The following SERPINC1 variants were observed in gnomAD, a reference collection of about 807,000 sequenced individuals.
The protein encoded by SERPINC1 is serpin family C member 1.
In SERPINC1, 12 loss-of-function variants were observed where a neutral mutation model predicts 43.4. The observed-to-expected ratio is 0.28, with a 90% CI of 0.18 to 0.45. The LOEUF (loss-of-function observed/expected upper bound fraction) is 0.45. Ranked by LOEUF, SERPINC1 falls within the 20% of genes least tolerant of loss-of-function variation. The probability of loss-of-function intolerance (pLI) is 1.00; values close to 1 mark genes in which losing one functional copy is unlikely to be tolerated. For synonymous variants in SERPINC1, 210 were observed against 218.9 expected, an observed-to-expected ratio of 0.96 and a Z score of 0.36; for missense variants, 423 against 578.8, an observed-to-expected ratio of 0.73 and a Z score of 2.76.
At chr1:173,910,636 T>A in intron 4 of SERPINC1, 118 bp downstream of exon 4, 1 of 847,902 alleles carries the variant, frequency 1.2e-6, no homozygotes, top group South Asian at 1.4e-5. Context: ...TGTACCTGTG[T>A]AGCTTTCGGC....
At chr1:173,911,665 G>A (rs1657773820) in intron 3 of SERPINC1, 134 bp downstream of exon 3, 4 of 745,504 alleles carry the variant, frequency 5.4e-6, no homozygotes, top group Non-Finnish European at 9.6e-6. Flanking sequence ...TATTGCAGGG[G>A]TTCTAACTTT....
At chr1:173,915,010 C>T in intron 1 of SERPINC1, 91 bp from the exon 2 acceptor site, 1 of 1,551,626 alleles carries the variant, frequency 6.4e-7, no homozygotes, top group Non-Finnish European at 8.7e-7. Context: ...CAGAGGATTC[C>T]AGCCCACCTG....
At chr1:173,910,611 C>T (rs1657728806) in intron 4 of SERPINC1, 143 bp downstream of exon 4, 1 of 690,486 alleles carries the variant, frequency 1.4e-6, no homozygotes, top group Non-Finnish European at 2.5e-6. Flanking sequence ...AATAGATTGA[C>T]CTGCCCTGCT....
Position 173,910,034 on chromosome 1 carries a change from T to C in SERPINC1, c.763-92A>G. 3.9e-6 allele frequency: 5 copies of C among 1,298,614 alleles called. No homozygotes were observed. In the South Asian group the frequency reaches 6.2e-5, roughly 16 times the overall value. The allele number at this position is 1,298,614 out of a possible 1,614,324, so 80.4% of individuals were successfully genotyped here. ...TCCATATTATAGTGTTACATTAATA[T>C]ATAATTATTCGGAAAAAAGACTGGC... is the stretch of plus-strand genomic sequence containing the variant. On this transcript the variant is annotated intron_variant, in intron 4 of 6. Coordinates refer to ENST00000367698, the MANE Select transcript of SERPINC1 (RefSeq NM_000488.4).
chr1:173,904,968 C>T (rs1399130667), intron 6 of SERPINC1, among the ~76,000 whole-genome samples: 2 of 152,132 alleles, frequency 1.3e-5, no homozygotes, highest in Non-Finnish European at 2.9e-5. Context: ...CCAAGGTTTT[C>T]AAAGAAAACG....
At position 173,914,915 on chromosome 1, in the gene SERPINC1, C is replaced by A; in HGVS notation, c.46G>T (p.Val16Phe). Residue 16 changes from valine to phenylalanine, a missense_variant, in exon 2 of 7, where the codon GTT becomes TTT. By Grantham distance (50) the Val-to-Phe change is conservative. Coordinates refer to ENST00000367698, the MANE Select transcript of SERPINC1 (RefSeq NM_000488.4). ...ATGAGCAGCAAGGACAAAAGATAAA[C>A]CTTCCTGCAAGGAGACAAAATGCCA... ...IGTVTSGKRK[V>F]YLLSLLLIGF... 1.9e-6 allele frequency: 3 copies of A among 1,613,288 alleles called. No individual in the cohort carries two copies. The highest frequency in any genetic ancestry group is 2.5e-6 in the Non-Finnish European group (3 of 1,180,034).
intron 6 of SERPINC1, among the ~76,000 whole-genome samples, chr1:173,905,793 G>A (rs959700890): frequency 6.6e-6 from 1 of 151,940 alleles, no homozygotes; most frequent in Non-Finnish European, 1.5e-5. Context: ...CAAACCTAAT[G>A]AGCATTGCCT....
At chr1:173,904,672 T>A (rs957243897) in intron 6 of SERPINC1, among the ~76,000 whole-genome samples, 2 of 152,202 alleles carry the variant, frequency 1.3e-5, no homozygotes, top group African/African-American at 4.8e-5. Context: ...ACTCTGTTTC[T>A]GCTCTTAATG....
intron 6 of SERPINC1, among the ~76,000 whole-genome samples, chr1:173,906,060 T>A (rs966709323): frequency 1.3e-5 from 2 of 152,204 alleles, no homozygotes; most frequent in African/African-American, 4.8e-5. Flanking sequence ...TTTCTTTGAT[T>A]CTAGGAACAT....
intron 6 of SERPINC1, among the ~76,000 whole-genome samples, chr1:173,906,777 C>G (rs1347670077): frequency 6.6e-6 from 1 of 152,030 alleles, no homozygotes; most frequent in East Asian, 1.9e-4. Flanking sequence ...ACCACCATGC[C>G]CAGCCCAGGA....
At chr1:173,913,212 T>C (rs1351142894) in intron 2 of SERPINC1, among the ~76,000 whole-genome samples, 1 of 152,208 alleles carries the variant, frequency 6.6e-6, no homozygotes, top group African/African-American at 2.4e-5. Flanking sequence ...TGATCCAACT[T>C]GAAGAAAGAC....
rs1572093473 is a variant in SERPINC1 at position 173,917,205 on chromosome 1, C to A, written c.41+14G>T. ...CCAGTAGGGGCAGGCAAGGGGAAAG[C>A]TCACCCCTCTTACCTTTTTCCAGAG... On this transcript the variant is annotated intron_variant, in intron 1 of 6. Coordinates refer to ENST00000367698, the MANE Select transcript of SERPINC1 (RefSeq NM_000488.4). 1 of 1,613,170 alleles carries A rather than the reference C, an allele frequency of 6.2e-7. No homozygotes were observed. Among genetic ancestry groups the A allele is most frequent in the African/African-American group, 1.3e-5 (1 of 75,010 alleles).
At chr1:173,911,738 C>CA in intron 3 of SERPINC1, 61 bp downstream of exon 3, 1 of 1,326,346 alleles carries the variant, frequency 7.5e-7, no homozygotes, top group Admixed American at 1.7e-5. Context: ...GTTTCTCCAC[C>CA]TCCTCAATCT....
At chr1:173,904,209 G>A (rs1398790792) in intron 6 of SERPINC1, 144 bp from the exon 7 acceptor site, 1 of 748,114 alleles carries the variant, frequency 1.3e-6, no homozygotes, top group Non-Finnish European at 2.3e-6. Context: ...ATTCCCTCCA[G>A]AATCCTACTT....
chr1:173,904,132 T>A, intron 6 of SERPINC1, 67 bp from the exon 7 acceptor site: 1 of 1,459,512 alleles, frequency 6.9e-7, no homozygotes, highest in South Asian at 1.1e-5. Flanking sequence ...AGGTAAATCA[T>A]CCACAGACAC....
intron 3 of SERPINC1, 122 bp downstream of exon 3, chr1:173,911,677 A>C (rs2102785613): frequency 2.5e-6 from 2 of 802,840 alleles, no homozygotes; most frequent in East Asian, 2.5e-5. Flanking sequence ...TCTAACTTTT[A>C]GTCAGCCCTC....
chr1:173,910,352 G>A (rs1657715762), intron 4 of SERPINC1, among the ~76,000 whole-genome samples: 1 of 152,176 alleles, frequency 6.6e-6, no homozygotes, highest in Admixed American at 6.5e-5. Flanking sequence ...GCCGAGGTGG[G>A]CAGATCACGA....
Position 173,914,894 on chromosome 1 carries a change from G to A in SERPINC1, c.67C>T (p.Leu23Phe). ...GTCACGCAGTCCCAGAAGCCAATGA[G>A]CAGCAAGGACAAAAGATAAACCTTC... ...KRKVYLLSLLLIGFWDCVTCH... is the reference protein window; with the variant it reads ...KRKVYLLSLLFIGFWDCVTCH... Residue 23 changes from leucine (L) to phenylalanine (F), a missense_variant, in exon 2 of 7, where the codon CTC becomes TTC. Leu to Phe is a conservative substitution (Grantham distance 22, BLOSUM62 0). Coordinates refer to ENST00000367698, the MANE Select transcript of SERPINC1 (RefSeq NM_000488.4). 6.2e-7 allele frequency: 1 copy of A among 1,614,106 alleles called. No individual in the cohort carries two copies. Among genetic ancestry groups the A allele is most frequent in the South Asian group, 1.1e-5 (1 of 91,092 alleles).
intron 3 of SERPINC1, among the ~76,000 whole-genome samples, chr1:173,911,387 G>A (rs764902387): frequency 9.9e-5 from 15 of 152,222 alleles, no homozygotes; most frequent in Non-Finnish European, 1.5e-4. Flanking sequence ...TTGTTGCAGA[G>A]TTTCTCAGAA....
Sources: gnomAD v4.1 joint callset for allele counts (sites outside exome capture counted in the v4.1 genomes callset) on GRCh38, gnomAD v4.1.1 for gene constraint, MANE v1.5 for transcripts, NCBI Gene and HGNC (gene_info 2026-07-23, HGNC 2026-07-21) for gene names.